DLC1: variants seen among roughly 807,000 people sequenced by gnomAD.
DLC1 encodes rho GTPase-activating protein 7.
In DLC1, 54 loss-of-function variants were observed where a neutral mutation model predicts 140.3. The ratio of observed to expected loss-of-function variants is 0.38; its 90% CI spans 0.31 to 0.48. DLC1 has a LOEUF of 0.48. Ranked by LOEUF, DLC1 falls within the 20% of genes least tolerant of loss-of-function variation. The pLI, the probability that DLC1 is intolerant of heterozygous loss-of-function variation, is 0.96. For synonymous variants in DLC1, 986 were observed against 728.1 expected (o/e 1.35, Z -5.70); for missense variants, 2,536 against 1,907.0 (o/e 1.33, Z -6.14).
chr8:13,440,231 T>C (rs1300486751), intron 2 of DLC1, among the ~76,000 whole-genome samples: 3 of 152,238 alleles, frequency 2.0e-5, no homozygotes, highest in Admixed American at 6.5e-5. Flanking sequence ...TAGGGTTCTA[T>C]GAAATCCATG....
intron 5 of DLC1, among the ~76,000 whole-genome samples, chr8:13,238,224 C>G (rs1563188894): frequency 6.6e-6 from 1 of 152,134 alleles, no homozygotes; most frequent in Non-Finnish European, 1.5e-5. Flanking sequence ...ATAAATCTCT[C>G]CCTCCCTAGA....
At position 13,276,322 on chromosome 8, in the gene DLC1, C is replaced by T. The variant is rs778065501; in HGVS notation, c.1348+28947G>A. ...ACATCCAGGGCTCTGGCCGTGGAGT[C>T]CCTGATGTGATCGCTAAAGGACCTC... On this transcript the variant is annotated intron_variant, in intron 5 of 17. Coordinates refer to ENST00000276297, the MANE Select transcript of DLC1 (RefSeq NM_182643.3). The T allele has an allele frequency of 2.4e-4, 370 of 1,533,024 alleles. 4 individuals are homozygous for T. In the East Asian group the frequency reaches 8.9e-3, roughly 37 times the overall value. 95.0% of individuals were successfully genotyped at this position (1,533,024 alleles called of 1,614,324 possible). A position where few individuals can be genotyped will look rare whatever the true frequency, so the allele number is the denominator to read the frequency against.
intron 3 of DLC1, among the ~76,000 whole-genome samples, chr8:13,400,157 A>G (rs1837230574): frequency 6.6e-6 from 1 of 152,192 alleles, no homozygotes; most frequent in South Asian, 2.1e-4. Flanking sequence ...AAAGATCAAA[A>G]AGGAGTTTTG....
intron 5 of DLC1, among the ~76,000 whole-genome samples, chr8:13,140,624 T>C (rs1028059522): frequency 6.6e-6 from 1 of 152,146 alleles, no homozygotes; most frequent in African/African-American, 2.4e-5. Context: ...TGCCATTTCT[T>C]ATACAAATAT....
In DLC1 at chr8:13,092,496, C is replaced by T. The variant is rs866275413; in HGVS notation, c.3740+116G>A. 11 of 1,102,318 alleles carry T rather than the reference C, an allele frequency of 1.0e-5. No homozygotes were observed. In the East Asian group the frequency reaches 1.6e-4, roughly 16 times the overall value. The allele number at this position is 1,102,318 out of a possible 1,614,324, so 68.3% of individuals were successfully genotyped here. A position where few individuals can be genotyped will look rare whatever the true frequency, so the allele number is the denominator to read the frequency against. ...GCGGTGTGAGAATGGACTAATATAG[C>T]GGTCTAACCTTCTTGCTTGTTTCAG... is the stretch of plus-strand genomic sequence containing the variant. On this transcript the variant is annotated intron_variant, in intron 13 of 17. Coordinates refer to ENST00000276297, the MANE Select transcript of DLC1 (RefSeq NM_182643.3).
At chr8:13,289,014 G>A (rs1363811467) in intron 5 of DLC1, among the ~76,000 whole-genome samples, 1 of 152,046 alleles carries the variant, frequency 6.6e-6, no homozygotes, top group Non-Finnish European at 1.5e-5. Flanking sequence ...TCGCATATTA[G>A]GTGCTCTGTG....
rs375033375 is a variant in DLC1 at position 13,125,966 on chromosome 8, T to C, written c.1349-10309A>G. On this transcript the variant is annotated intron_variant, in intron 5 of 17. Transcript: ENST00000276297. ...CCCTGCAAGTGACACTTTAGCCATG[T>C]AGAATTTAAACCAATTGAAATCCTC... 3.3e-5 allele frequency among the ~76,000 whole-genome samples: 5 copies of C among 152,252 alleles called. No homozygotes were observed. In the East Asian group the frequency reaches 9.7e-4, roughly 29 times the overall value.
intron 5 of DLC1, chr8:13,133,049 C>T: frequency 6.4e-7 from 1 of 1,568,988 alleles, no homozygotes; most frequent in Non-Finnish European, 8.6e-7. Context: ...TCGGCTTCCG[C>T]GTCGGGACCC....
At chr8:13,338,161 GA>G (rs772124973) in intron 4 of DLC1, among the ~76,000 whole-genome samples, 2 of 152,172 alleles carry the variant, frequency 1.3e-5, no homozygotes, top group Non-Finnish European at 2.9e-5. Context: ...CCTTAGATGG[GA>G]CACTTGGTTG....
At chr8:13,286,511 T>C (rs761360192) in intron 5 of DLC1, among the ~76,000 whole-genome samples, 23 of 152,146 alleles carry the variant, frequency 1.5e-4, no homozygotes, top group Admixed American at 9.2e-4. Flanking sequence ...ACATGTCAAC[T>C]CAATAATGAT....
At chr8:13,187,604 T>A (rs554747695) in intron 5 of DLC1, among the ~76,000 whole-genome samples, 13 of 152,234 alleles carry the variant, frequency 8.5e-5, no homozygotes, top group African/African-American at 3.1e-4. Context: ...ACTTAGCCAA[T>A]AAAGAAACAG....
chr8:13,548,806 A>T (rs1803748331), intron 1 of DLC1, among the ~76,000 whole-genome samples: 1 of 152,070 alleles, frequency 6.6e-6, no homozygotes, highest in African/African-American at 2.4e-5. Context: ...ATTATTGTTG[A>T]TTAATTTCTT....
intron 5 of DLC1, among the ~76,000 whole-genome samples, chr8:13,186,802 A>C (rs920865575): frequency 6.6e-6 from 1 of 152,216 alleles, no homozygotes; most frequent in East Asian, 1.9e-4. Flanking sequence ...CTACCTTTGG[A>C]CTTTGATGTT....
Position 13,139,631 on chromosome 8 carries a change from T to C in DLC1, c.1349-23974A>G, listed in dbSNP as rs545671908. Among the ~76,000 whole-genome samples, 10 of 152,358 alleles carry C rather than the reference T, an allele frequency of 6.6e-5. No homozygotes were observed. The South Asian group carries it at 2.1e-3, about 32-fold the overall frequency. ...ATGCTTTCCTGAGATACTTACTATA[T>C]TGACAGTAGGAATTCCTTTTAAAGG... On this transcript the variant is annotated intron_variant, in intron 5 of 17. Transcript: ENST00000276297.
chr8:13,543,560 T>C (rs1288290035), intron 1 of DLC1, among the ~76,000 whole-genome samples: 3 of 152,130 alleles, frequency 2.0e-5, no homozygotes, highest in African/African-American at 4.8e-5. Context: ...TAAGTGCCCA[T>C]CAACCACTGA....
intron 5 of DLC1, among the ~76,000 whole-genome samples, chr8:13,166,724 A>G (rs995209703): frequency 1.7e-4 from 25 of 147,840 alleles, no homozygotes; most frequent in African/African-American, 5.1e-4. Context: ...AAACTGCTGA[A>G]TATATTTTTT....
chr8:13,496,055 A>G (rs1801485340), intron 2 of DLC1, among the ~76,000 whole-genome samples: 1 of 152,240 alleles, frequency 6.6e-6, no homozygotes, highest in South Asian at 2.1e-4. Context: ...GGGTATTACT[A>G]TGGCTGACAA....
chr8:13,596,627 G>A (rs1805688757), intron 1 of DLC1, among the ~76,000 whole-genome samples: 2 of 152,098 alleles, frequency 1.3e-5, no homozygotes, highest in Admixed American at 6.6e-5. Context: ...GCAGAAAGGA[G>A]AATGGATATG....
chr8:13,279,296 C>T (rs1167186011), intron 5 of DLC1, among the ~76,000 whole-genome samples: 1 of 152,154 alleles, frequency 6.6e-6, no homozygotes, highest in East Asian at 1.9e-4. Context: ...TATAAAACAA[C>T]CCTCCTCCTC....
Sources: allele counts gnomAD v4.1 joint callset (sites outside exome capture counted in the v4.1 genomes callset), GRCh38; gene constraint gnomAD v4.1.1; transcripts MANE v1.5; gene names NCBI Gene and HGNC (gene_info 2026-07-23, HGNC 2026-07-21).